LRRFIP2: variants seen among roughly 807,000 people sequenced by gnomAD.
LRRFIP2 encodes LRR binding FLII interacting protein 2.
LRRFIP2 carries 109 observed loss-of-function variants against 125.9 expected under a neutral mutation model. The observed-to-expected ratio is 0.87, with a 90% confidence interval of 0.74 to 1.01. The LOEUF (loss-of-function observed/expected upper bound fraction) is 1.01, where lower values mean the gene tolerates loss of function less well. LRRFIP2 is among the 50% of genes least tolerant of loss of function. LRRFIP2 has a pLI of 0.00. For synonymous variants in LRRFIP2, 291 were observed against 293.1 expected (o/e 0.99, Z 0.07); for missense variants, 850 against 862.3 (o/e 0.99, Z 0.18).
upstream of LRRFIP2, chr3:37,175,173 T>C (rs1024293315): frequency 6.6e-6 from 1 of 152,210 alleles, no homozygotes; most frequent in Non-Finnish European, 1.5e-5. Context: ...CCCGCTCTCC[T>C]TCTCTCTTGT....
intron 2 of LRRFIP2, among the ~76,000 whole-genome samples, chr3:37,131,014 G>C (rs974356472): frequency 6.6e-6 from 1 of 152,218 alleles, no homozygotes; most frequent in African/African-American, 2.4e-5. Flanking sequence ...GTGCATGATA[G>C]TTAAGATGGA....
chr3:37,072,741 G>T, intron 21 of LRRFIP2, 49 bp downstream of exon 21: 2 of 1,092,494 alleles, frequency 1.8e-6, no homozygotes, highest in Non-Finnish European at 2.8e-6. Context: ...AAATTCTACT[G>T]TAGTCCTCAT....
At chr3:37,105,631 A>G (rs2094281085) in intron 13 of LRRFIP2, 108 bp from the exon 14 acceptor site, 1 of 751,766 alleles carries the variant, frequency 1.3e-6, no homozygotes. Context: ...TAACTATATA[A>G]GCAGCATAAT....
intron 15 of LRRFIP2, among the ~76,000 whole-genome samples, chr3:37,099,167 T>C (rs970925129): frequency 3.9e-5 from 6 of 152,158 alleles, no homozygotes; most frequent in Non-Finnish European, 1.5e-5. Flanking sequence ...AACCATGCCA[T>C]AGTTCTCTTA....
intron 1 of LRRFIP2, 67 bp from the exon 2 acceptor site, chr3:37,149,105 T>C: frequency 7.4e-7 from 1 of 1,350,042 alleles, no homozygotes; most frequent in Non-Finnish European, 9.9e-7. Context: ...CATTTATATA[T>C]TCACTTTTAA....
At chr3:37,091,076 T>G (rs1385170828) in intron 18 of LRRFIP2, among the ~76,000 whole-genome samples, 2 of 152,088 alleles carry the variant, frequency 1.3e-5, no homozygotes, top group African/African-American at 4.8e-5. Flanking sequence ...TTTTACAAGG[T>G]TTTAAAACTG....
At chr3:37,146,548 A>T (rs1240586789) in intron 2 of LRRFIP2, among the ~76,000 whole-genome samples, 2 of 152,114 alleles carry the variant, frequency 1.3e-5, no homozygotes, top group Non-Finnish European at 2.9e-5. Context: ...TCCCACTTAT[A>T]AGTGAGAACA....
At chr3:37,066,580 G>A in intron 21 of LRRFIP2, 1 of 360,496 alleles carries the variant, frequency 2.8e-6, no homozygotes, top group South Asian at 4.1e-5. Context: ...ACATCAAGCA[G>A]GGAAATAAAT....
rs1232683558 is a variant in LRRFIP2 at position 37,109,664 on chromosome 3, T to C, written c.553A>G (p.Lys185Glu). ...CAGAAAGTACTAACCCTGTCACTCT[T>C]ATATGTTGCCAGAGGGTCACTGTAC... ...SLYSDPLATY[K>E]SDRASPTANS... is the part of the protein sequence containing the mutation. Residue 185 changes from lysine to glutamate, a missense_variant, in exon 10 of 28, where the codon AAG becomes GAG. By Grantham distance (56) the Lys-to-Glu change is moderately conservative. Coordinates refer to ENST00000336686, the MANE Select transcript of LRRFIP2 (RefSeq NM_006309.4). 21 of 1,613,936 alleles carry C rather than the reference T, an allele frequency of 1.3e-5. No individual in the cohort carries two copies. The highest frequency in any genetic ancestry group is 2.7e-5 in the African/African-American group (2 of 74,904).
At chr3:37,075,195 T>A in intron 19 of LRRFIP2, 79 bp from the exon 20 acceptor site, 1 of 890,116 alleles carries the variant, frequency 1.1e-6, no homozygotes, top group South Asian at 1.6e-5. Context: ...AACACAGAGG[T>A]TAAGTATGAC....
chr3:37,133,980 A>G (rs1309633038), intron 2 of LRRFIP2, among the ~76,000 whole-genome samples: 6 of 152,080 alleles, frequency 3.9e-5, no homozygotes, highest in African/African-American at 1.4e-4. Context: ...TCAGGAGTTC[A>G]ACACCAGCCT....
chr3:37,171,912 T>C (rs1416179168), intron 1 of LRRFIP2, among the ~76,000 whole-genome samples: 1 of 152,216 alleles, frequency 6.6e-6, no homozygotes, highest in Non-Finnish European at 1.5e-5. Flanking sequence ...AGTACCAGTC[T>C]TCAAACCACA....
chr3:37,165,726 A>G (rs1277256179), intron 1 of LRRFIP2, among the ~76,000 whole-genome samples: 1 of 150,674 alleles, frequency 6.6e-6, no homozygotes, highest in East Asian at 2.0e-4. Flanking sequence ...ATTGCACTCT[A>G]GCCCGGGCAA....
chr3:37,102,626 G>A (rs765787051), intron 15 of LRRFIP2, among the ~76,000 whole-genome samples: 5 of 151,236 alleles, frequency 3.3e-5, no homozygotes, highest in Admixed American at 2.6e-4. Flanking sequence ...AGCCTCCAGA[G>A]TAGCTGGGAT....
At chr3:37,093,290 G>A (rs555386261) in intron 17 of LRRFIP2, 1 of 152,866 alleles carries the variant, frequency 6.5e-6, no homozygotes, top group Non-Finnish European at 1.5e-5. Context: ...GTGAAGAGGG[G>A]ACCTCCAGTC....
chr3:37,118,210 C>T (rs2149513994), intron 6 of LRRFIP2, among the ~76,000 whole-genome samples: 1 of 152,254 alleles, frequency 6.6e-6, no homozygotes, highest in South Asian at 2.1e-4. Context: ...TGCAGCACCA[C>T]ACCCAGCTAA....
At chr3:37,155,927 T>A (rs1209803163) in intron 1 of LRRFIP2, among the ~76,000 whole-genome samples, 2 of 152,002 alleles carry the variant, frequency 1.3e-5, no homozygotes, top group African/African-American at 4.8e-5. Context: ...CAGGCTGGAG[T>A]GCAATAGTGC....
In LRRFIP2 at chr3:37,111,055, T is replaced by C. The variant is rs2094529749; in HGVS notation, c.449A>G (p.Tyr150Cys). ...DSHKDLLSGL[Y>C]FDQRNYSSLR... ...ACTGCTATAGTTTCTCTGGTCAAAGTAGAGGCCACTCTGCAAAAAGCAAAA... is the reference window on the plus strand; with the variant it reads ...ACTGCTATAGTTTCTCTGGTCAAAGCAGAGGCCACTCTGCAAAAAGCAAAA... Residue 150 changes from tyrosine to cysteine, a missense_variant, in exon 9 of 28, where the codon TAC (tyrosine) becomes TGC (cysteine). Transcript: ENST00000336686. The C allele has an allele frequency of 3.7e-6, 6 of 1,613,606 alleles. No homozygotes were observed. Among genetic ancestry groups the C allele is most frequent in the Non-Finnish European group, 5.1e-6 (6 of 1,179,724 alleles).
intron 1 of LRRFIP2, chr3:37,174,182 T>C (rs1251526354): frequency 6.6e-6 from 1 of 152,222 alleles, no homozygotes; most frequent in African/African-American, 2.4e-5. Flanking sequence ...GCCATTATTT[T>C]TTAACTAAAG....
Sources: gnomAD v4.1 joint callset for allele counts (sites outside exome capture counted in the v4.1 genomes callset) on GRCh38, gnomAD v4.1.1 for gene constraint, MANE v1.5 for transcripts, NCBI Gene and HGNC (gene_info 2026-07-23, HGNC 2026-07-21) for gene names.